The following ARHGAP6 variants were observed in gnomAD, a reference collection of about 807,000 sequenced individuals.
ARHGAP6 encodes the protein Rho GTPase activating protein 6, also known as rho GTPase-activating protein 6.
Under a neutral mutation model 55.7 loss-of-function variants are expected in ARHGAP6, and 16 were observed. The observed-to-expected ratio is 0.29, with a 90% CI of 0.19 to 0.44. ARHGAP6 has a LOEUF of 0.44. ARHGAP6 is among the 20% of genes least tolerant of loss of function. ARHGAP6 has a pLI of 1.00. For synonymous variants in ARHGAP6, 382 were observed against 360.9 expected, an observed-to-expected ratio of 1.06 and a Z score of -0.66; for missense variants, 698 against 808.9, an observed-to-expected ratio of 0.86 and a Z score of 1.66.
intron 1 of ARHGAP6, among the ~76,000 whole-genome samples, chrX:11,277,293 G>C (rs1378666078): frequency 9.0e-6 from 1 of 110,980 alleles, no homozygotes; most frequent in Non-Finnish European, 1.9e-5. Flanking sequence ...ATGGGCATTT[G>C]GGTTCTTTCC....
chrX:11,484,948 CT>C (rs982756556), intron 1 of ARHGAP6, among the ~76,000 whole-genome samples: 1 of 111,451 alleles, frequency 9.0e-6, no homozygotes, highest in Non-Finnish European at 1.9e-5. Context: ...CCAGGTGTGC[CT>C]AAGTCCTTAG....
intron 1 of ARHGAP6, among the ~76,000 whole-genome samples, chrX:11,595,665 G>A (rs915314834): frequency 6.3e-5 from 7 of 111,385 alleles, no homozygotes; most frequent in African/African-American, 2.0e-4. Context: ...GAAAATTTTT[G>A]CAGTCTATCC....
chrX:11,581,338 T>C (rs1198970793), intron 1 of ARHGAP6, among the ~76,000 whole-genome samples: 1 of 112,074 alleles, frequency 8.9e-6, no homozygotes, highest in Non-Finnish European at 1.9e-5. Context: ...GGTGGGGATG[T>C]AAAATGGTGC....
chrX:11,458,286 A>G (rs2050212115), intron 1 of ARHGAP6, among the ~76,000 whole-genome samples: 1 of 112,418 alleles, frequency 8.9e-6, no homozygotes, highest in African/African-American at 3.2e-5. Context: ...CCAGGGAATG[A>G]GCTCATCCTT....
intron 2 of ARHGAP6, among the ~76,000 whole-genome samples, chrX:11,199,697 T>C (rs1238696996): frequency 8.9e-6 from 1 of 112,470 alleles, no homozygotes; most frequent in East Asian, 2.8e-4. Context: ...TGAAGTCTCC[T>C]TACAGGCAAA....
At chrX:11,294,966 T>A (rs1603031601) in intron 1 of ARHGAP6, 1 of 784,189 alleles carries the variant, frequency 1.3e-6, no homozygotes, top group East Asian at 3.2e-5. Context: ...CATATGTCTC[T>A]GGGTTGAAGA....
At position 11,137,776 on chromosome X, in the gene ARHGAP6, A is replaced by G. The variant is rs912183854; in HGVS notation, c.*1087T>C. The G allele has an allele frequency of 6.2e-5, 7 of 112,705 alleles. No homozygotes were observed. Among genetic ancestry groups the G allele is most frequent in the African/African-American group, 2.3e-4 (7 of 30,947 alleles). 9.3% of individuals were successfully genotyped at this position (112,705 alleles called of 1,213,427 possible). A position where few individuals can be genotyped will look rare whatever the true frequency, so the allele number is the denominator to read the frequency against. On this transcript the variant is annotated 3_prime_UTR_variant, in exon 13 of 13. Coordinates refer to ENST00000337414, the MANE Select transcript of ARHGAP6 (RefSeq NM_013427.3). ...CACTTGAAAAACTTCAAACTACTAAAGTACGGTAGAACATTTTACAATACA... is the reference window on the plus strand; with the variant it reads ...CACTTGAAAAACTTCAAACTACTAAGGTACGGTAGAACATTTTACAATACA...
At chrX:11,395,773 C>A (rs763062171) in intron 1 of ARHGAP6, among the ~76,000 whole-genome samples, 2 of 112,165 alleles carry the variant, frequency 1.8e-5, no homozygotes, top group Admixed American at 9.5e-5. Flanking sequence ...GATACTAATT[C>A]TAATGGCAAA....
chrX:11,242,160 C>T (rs185636153), intron 2 of ARHGAP6, among the ~76,000 whole-genome samples: 1 of 112,229 alleles, frequency 8.9e-6, no homozygotes, highest in East Asian at 2.8e-4. Context: ...AAAAAAACTT[C>T]TGGATCCTCG....
chrX:11,581,988 A>G (rs1183728505), intron 1 of ARHGAP6, among the ~76,000 whole-genome samples: 1 of 112,149 alleles, frequency 8.9e-6, no homozygotes, highest in African/African-American at 3.2e-5. Flanking sequence ...ACAACAAAAA[A>G]AAACTTCCAA....
chrX:11,488,380 G>C (rs1011243706), intron 1 of ARHGAP6, among the ~76,000 whole-genome samples: 8 of 111,907 alleles, frequency 7.1e-5, no homozygotes, highest in Non-Finnish European at 1.9e-5. Context: ...TAGAGAAAAA[G>C]TTCCTTATAC....
chrX:11,477,173 AAC>A (rs1311899477), intron 1 of ARHGAP6, among the ~76,000 whole-genome samples: 23 of 94,932 alleles, frequency 2.4e-4, no homozygotes, highest in African/African-American at 7.7e-4. Flanking sequence ...AAAAAAAAAA[AAC>A]AATTTTTCAA....
At chrX:11,414,155 A>T (rs1215903324) in intron 1 of ARHGAP6, among the ~76,000 whole-genome samples, 1 of 112,296 alleles carries the variant, frequency 8.9e-6, no homozygotes, top group African/African-American at 3.2e-5. Context: ...AGAGATAGGC[A>T]AACTTTTTCT....
At chrX:11,244,006 A>C (rs957264102) in intron 2 of ARHGAP6, among the ~76,000 whole-genome samples, 1 of 112,053 alleles carries the variant, frequency 8.9e-6, no homozygotes, top group African/African-American at 3.2e-5. Flanking sequence ...CTCAGTATGA[A>C]TCTGTCATTA....
At chrX:11,152,014 C>T (rs150095645) in intron 10 of ARHGAP6, among the ~76,000 whole-genome samples, 2,162 of 112,037 alleles carry the variant, frequency 0.019, 46 homozygotes, top group African/African-American at 0.066. Context: ...GTGATGGCCA[C>T]GCCTTTGGTA....
At chrX:11,608,525 C>A (rs138486028) in intron 1 of ARHGAP6, among the ~76,000 whole-genome samples, 1,438 of 111,206 alleles carry the variant, frequency 0.013, 24 homozygotes, top group African/African-American at 0.044. Context: ...TGAAGCTGGA[C>A]AAGTCTGGCT....
At chrX:11,497,502 T>A (rs2050633982) in intron 1 of ARHGAP6, among the ~76,000 whole-genome samples, 1 of 108,544 alleles carries the variant, frequency 9.2e-6, no homozygotes, top group Non-Finnish European at 1.9e-5. Flanking sequence ...AGTACTCTTA[T>A]GAGAAGAGAA....
chrX:11,197,026 G>T (rs1365449111), intron 2 of ARHGAP6, 30 bp from the exon 3 acceptor site: 1 of 743,527 alleles, frequency 1.3e-6, no homozygotes. Context: ...AAGTTATAAA[G>T]ATAAACATAT....
intron 1 of ARHGAP6, among the ~76,000 whole-genome samples, chrX:11,423,126 G>A (rs1426575114): frequency 8.9e-6 from 1 of 112,616 alleles, no homozygotes; most frequent in African/African-American, 3.2e-5. Context: ...TTTTATAAAA[G>A]TAAGTTCTGG....
Sources: allele counts gnomAD v4.1 joint callset (sites outside exome capture counted in the v4.1 genomes callset), GRCh38; gene constraint gnomAD v4.1.1; transcripts MANE v1.5; gene names NCBI Gene and HGNC (gene_info 2026-07-23, HGNC 2026-07-21).